AUTS2: variants seen among roughly 807,000 people sequenced by gnomAD.
The protein encoded by AUTS2 is activator of transcription and developmental regulator AUTS2.
A neutral mutation model predicts 112.4 loss-of-function variants in AUTS2; 17 were observed. The ratio of observed to expected loss-of-function variants is 0.15; its 90% confidence interval spans 0.10 to 0.23. AUTS2 has a LOEUF of 0.23. Among genes scored for constraint, AUTS2 ranks in the 10% least tolerant of loss-of-function variants. The pLI, the probability that AUTS2 is intolerant of heterozygous loss-of-function variation, is 1.00. For missense variants in AUTS2, 1,510 were observed against 1,701.6 expected, an observed-to-expected ratio of 0.89 and a Z score of 1.98; for synonymous variants, 751 against 702.7, an observed-to-expected ratio of 1.07 and a Z score of -1.09.
intron 5 of AUTS2, among the ~76,000 whole-genome samples, chr7:70,606,707 C>G (rs1803793534): frequency 6.6e-6 from 1 of 151,810 alleles, no homozygotes; most frequent in African/African-American, 2.4e-5. Flanking sequence ...ACTGAAAATT[C>G]CAAAATTCGC....
At position 70,676,719 on chromosome 7, in the gene AUTS2, A is replaced by C. The variant is rs568689436; in HGVS notation, c.691-21850A>C. ...TGGTGAAACCCCATCTCTACTAAAAATACAAAAATTAGCCAGGCGTGGTGG... is the reference window on the plus strand; with the variant it reads ...TGGTGAAACCCCATCTCTACTAAAACTACAAAAATTAGCCAGGCGTGGTGG... On this transcript the variant is annotated intron_variant, in intron 5 of 18. Coordinates refer to ENST00000342771, the MANE Select transcript of AUTS2 (RefSeq NM_015570.4). Among the ~76,000 whole-genome samples, 4 of 152,216 alleles carry C rather than the reference A, an allele frequency of 2.6e-5. No individual in the cohort carries two copies. In the East Asian group the frequency reaches 7.8e-4, roughly 30 times the overall value.
intron 2 of AUTS2, among the ~76,000 whole-genome samples, chr7:70,076,221 A>G (rs1803024413): frequency 6.6e-6 from 1 of 152,192 alleles, no homozygotes; most frequent in South Asian, 2.1e-4. Context: ...GCTAATAAAG[A>G]GTTGGCATAA....
intron 1 of AUTS2, among the ~76,000 whole-genome samples, chr7:69,819,377 T>C (rs903452418): frequency 6.6e-6 from 1 of 152,246 alleles, no homozygotes; most frequent in African/African-American, 2.4e-5. Context: ...AAGGTATGAC[T>C]AAGTGCTGCA....
At chr7:70,644,384 ACT>A (rs1806032821) in intron 5 of AUTS2, among the ~76,000 whole-genome samples, 1 of 152,108 alleles carries the variant, frequency 6.6e-6, no homozygotes, top group South Asian at 2.1e-4. Flanking sequence ...AACAGAGGGA[ACT>A]GCACGTTCTT....
chr7:69,670,555 CAAAAAAAAAAA>C (rs200373158), intron 1 of AUTS2, among the ~76,000 whole-genome samples: 10 of 119,062 alleles, frequency 8.4e-5, no homozygotes, highest in East Asian at 2.4e-4. Context: ...CTTGATCCCT[CAAAAAAAAAAA>C]AAAAAAAAAA....
chr7:70,122,032 T>C (rs977370286), intron 3 of AUTS2, among the ~76,000 whole-genome samples: 3 of 152,196 alleles, frequency 2.0e-5, no homozygotes, highest in Non-Finnish European at 4.4e-5. Context: ...CATTGTAATA[T>C]ATACTACAAT....
At chr7:70,620,589 C>T (rs190787028) in intron 5 of AUTS2, among the ~76,000 whole-genome samples, 110 of 152,210 alleles carry the variant, frequency 7.2e-4, no homozygotes, top group Non-Finnish European at 1.2e-3. Context: ...CTTGAATTGT[C>T]CTGAACCTTG....
At chr7:70,093,851 G>C (rs1278439353) in intron 2 of AUTS2, among the ~76,000 whole-genome samples, 3 of 152,174 alleles carry the variant, frequency 2.0e-5, no homozygotes, top group Non-Finnish European at 4.4e-5. Context: ...AATTTACCCA[G>C]AATTTATTTA....
In AUTS2 at chr7:70,416,825, A is replaced by T. The variant is rs10452740; in HGVS notation, c.661-18927A>T. Among the ~76,000 whole-genome samples the T allele has an allele frequency of 3.6e-4, 55 of 152,050 alleles. 1 individual carries two copies. Among genetic ancestry groups the T allele is most frequent in the African/African-American group, 1.3e-3 (54 of 41,452 alleles). On this transcript the variant is annotated intron_variant, in intron 4 of 18. Transcript: ENST00000342771. Reference sequence around the variant, plus strand: ...GGAAGACATGATTGCAGCCTCCTGCACCCCTGCTCCCCTCCTCTGACACAC... The same window carrying T: ...GGAAGACATGATTGCAGCCTCCTGCTCCCCTGCTCCCCTCCTCTGACACAC...
chr7:70,581,189 C>T (rs1205114080), intron 5 of AUTS2, among the ~76,000 whole-genome samples: 1 of 152,038 alleles, frequency 6.6e-6, no homozygotes, highest in Non-Finnish European at 1.5e-5. Context: ...TCGAGACCAG[C>T]CTGACCAACG....
intron 6 of AUTS2, among the ~76,000 whole-genome samples, chr7:70,758,612 G>C (rs1359437860): frequency 6.6e-6 from 1 of 152,088 alleles, no homozygotes; most frequent in Non-Finnish European, 1.5e-5. Context: ...ATCACAAGAA[G>C]AGAGAGTTTT....
intron 1 of AUTS2, among the ~76,000 whole-genome samples, chr7:69,735,775 ATCTGATTTG>A (rs1787003400): frequency 6.6e-6 from 1 of 152,228 alleles, no homozygotes; most frequent in South Asian, 2.1e-4. Context: ...GCTGGCCCTT[ATCTGATTTG>A]CTGCTGTAGA....
At chr7:69,671,486 G>GGTGTGTGTGTGTGT (rs201047003) in intron 1 of AUTS2, among the ~76,000 whole-genome samples, 6 of 138,518 alleles carry the variant, frequency 4.3e-5, no homozygotes, top group African/African-American at 1.3e-4. Flanking sequence ...TGCTGCTGCT[G>GGTGTGTGTGTGTGT]GTGTGTGTGT....
chr7:69,621,891 C>CT (rs989962484), intron 1 of AUTS2, among the ~76,000 whole-genome samples: 71 of 148,538 alleles, frequency 4.8e-4, no homozygotes, highest in Middle Eastern at 3.5e-3. Flanking sequence ...TATGGAAGGG[C>CT]TTTTTTTTTT....
chr7:70,114,346 T>C (rs1009436299), intron 2 of AUTS2, among the ~76,000 whole-genome samples: 6 of 152,222 alleles, frequency 3.9e-5, no homozygotes, highest in Non-Finnish European at 2.9e-5. Context: ...AGATCAATTT[T>C]TCTTAGCTCT....
chr7:70,643,722 A>T (rs1805986476), intron 5 of AUTS2, among the ~76,000 whole-genome samples: 1 of 152,190 alleles, frequency 6.6e-6, no homozygotes, highest in South Asian at 2.1e-4. Flanking sequence ...AACAAACTTT[A>T]TTATCATGTA....
chr7:70,180,790 A>G (rs773855834), intron 4 of AUTS2, among the ~76,000 whole-genome samples: 4 of 152,098 alleles, frequency 2.6e-5, no homozygotes, highest in African/African-American at 4.8e-5. Flanking sequence ...GCCCTTTCTC[A>G]GTCTACTTTA....
At position 69,720,987 on chromosome 7, in the gene AUTS2, G is replaced by A. The variant is rs558215798; in HGVS notation, c.309+121025G>A. 2.0e-5 allele frequency among the ~76,000 whole-genome samples: 3 copies of A among 152,290 alleles called. No individual in the cohort carries two copies. In the East Asian group the frequency reaches 5.8e-4, roughly 29 times the overall value. On this transcript the variant is annotated intron_variant, in intron 1 of 18. Transcript: ENST00000342771. ...GAGAAGCTAAGAAAAGACTTACACA[G>A]CAGCAAAAAGAAGAAGAGACTGGAG...
At chr7:69,600,674 G>A (rs1274645111) in intron 1 of AUTS2, among the ~76,000 whole-genome samples, 1 of 151,210 alleles carries the variant, frequency 6.6e-6, no homozygotes, top group Non-Finnish European at 1.5e-5. Context: ...GTTACAGAAA[G>A]GGTTAATTAT....
Sources: gnomAD v4.1 joint callset for allele counts (sites outside exome capture counted in the v4.1 genomes callset) on GRCh38, gnomAD v4.1.1 for gene constraint, MANE v1.5 for transcripts, NCBI Gene and HGNC (gene_info 2026-07-23, HGNC 2026-07-21) for gene names.